The following MAP3K7CL variants were observed in gnomAD, a reference collection of about 807,000 sequenced individuals.
MAP3K7CL encodes MAP3K7 C-terminal like.
In MAP3K7CL, 16 loss-of-function variants were observed where a neutral mutation model predicts 18.6. That is an observed-to-expected ratio of 0.86 (90% CI 0.58 to 1.31). The LOEUF is 1.31. MAP3K7CL is among the 50% of genes most tolerant of loss of function. The probability of loss-of-function intolerance (pLI) is 0.00; values close to 1 mark genes in which losing one functional copy is unlikely to be tolerated. For synonymous variants in MAP3K7CL, 65 were observed against 66.8 expected (o/e 0.97, Z 0.13); for missense variants, 163 against 174.4 (o/e 0.93, Z 0.37).
chr21:29,100,120 C>T (rs2086200261), intron 4 of MAP3K7CL, among the ~76,000 whole-genome samples: 1 of 151,534 alleles, frequency 6.6e-6, no homozygotes, highest in African/African-American at 2.4e-5. Context: ...TGGATCTCCT[C>T]CTCCCACCTT....
chr21:29,166,653 A>G (rs1276289901), intron 4 of MAP3K7CL, among the ~76,000 whole-genome samples: 2 of 152,218 alleles, frequency 1.3e-5, no homozygotes, highest in Non-Finnish European at 2.9e-5. Flanking sequence ...ATGGAATCAT[A>G]TAATATGTAA....
At chr21:29,120,727 TTTCC>T (rs1350576233) in intron 4 of MAP3K7CL, among the ~76,000 whole-genome samples, 70 of 151,942 alleles carry the variant, frequency 4.6e-4, no homozygotes, top group African/African-American at 1.4e-3. Flanking sequence ...CTCTCTTTCT[TTTCC>T]TTCCTTCCTT....
intron 1 of MAP3K7CL, among the ~76,000 whole-genome samples, chr21:29,078,836 A>C (rs1486125742): frequency 6.6e-6 from 1 of 152,156 alleles, no homozygotes. Flanking sequence ...CCACAGCTCC[A>C]CTTAGTTTCT....
At chr21:29,173,382 G>A (rs541681628) in intron 4 of MAP3K7CL, among the ~76,000 whole-genome samples, 8 of 152,140 alleles carry the variant, frequency 5.3e-5, no homozygotes, top group Non-Finnish European at 5.9e-5. Flanking sequence ...TGTTAGATGC[G>A]TTGGTTTATA....
At chr21:29,104,768 A>T (rs941831914) in intron 4 of MAP3K7CL, among the ~76,000 whole-genome samples, 2 of 152,204 alleles carry the variant, frequency 1.3e-5, no homozygotes, top group Admixed American at 1.3e-4. Flanking sequence ...TATGAACCAC[A>T]GCGTGTCCTT....
chr21:29,084,934 G>T (rs780773560), upstream of MAP3K7CL: 3 of 152,132 alleles, frequency 2.0e-5, no homozygotes, highest in Non-Finnish European at 4.4e-5. Context: ...AAGTAGAAGA[G>T]AATATGTTTG....
At chr21:29,149,091 T>A in intron 2 of MAP3K7CL, 98 bp from the exon 3 acceptor site, 2 of 990,302 alleles carry the variant, frequency 2.0e-6, no homozygotes, top group South Asian at 1.3e-5. Context: ...ATGAAATGAC[T>A]GAAACAGTGT....
chr21:29,153,200 G>A (rs1158503699), intron 3 of MAP3K7CL, among the ~76,000 whole-genome samples: 4 of 152,202 alleles, frequency 2.6e-5, no homozygotes, highest in East Asian at 3.9e-4. Flanking sequence ...GCAAGAGACC[G>A]CAGGAGAAGG....
chr21:29,079,477 C>T (rs945168042), intron 1 of MAP3K7CL, among the ~76,000 whole-genome samples: 6 of 152,262 alleles, frequency 3.9e-5, no homozygotes, highest in South Asian at 2.1e-4. Context: ...CCACTCCCCC[C>T]AGAAAGGTCT....
intron 2 of MAP3K7CL, among the ~76,000 whole-genome samples, chr21:29,140,988 G>T (rs946967112): frequency 5.3e-5 from 8 of 152,032 alleles, no homozygotes; most frequent in African/African-American, 1.9e-4. Flanking sequence ...TGTTGCTCAG[G>T]CTGGGCTTGG....
At position 29,174,717 on chromosome 21, in the gene MAP3K7CL, A is replaced by T. The variant is rs2087924251; in HGVS notation, c.254A>T (p.Glu85Val). ...CCTTTACCCCGAATCTTCAGGAAGGAGCTCATTGCCAAGTTAGATCAGGCA... is the reference window on the plus strand; with the variant it reads ...CCTTTACCCCGAATCTTCAGGAAGGTGCTCATTGCCAAGTTAGATCAGGCA... ...EITLLEQRKK[E>V]LIAKLDQAEK... The change falls in exon 5 of 5, where the codon GAG (glutamate) becomes GTG (valine). Residue 85 changes from glutamate to valine, a missense_variant. Glu to Val is a moderately radical substitution (Grantham distance 121, BLOSUM62 -2). Coordinates refer to ENST00000399928, the MANE Select transcript of MAP3K7CL (RefSeq NM_001286620.2). The T allele has an allele frequency of 6.2e-7, 1 of 1,614,104 alleles. No homozygotes were observed. Among genetic ancestry groups the T allele is most frequent in the South Asian group, 1.1e-5 (1 of 91,084 alleles).
At chr21:29,089,288 C>T (rs997841894) in intron 1 of MAP3K7CL, among the ~76,000 whole-genome samples, 1 of 151,680 alleles carries the variant, frequency 6.6e-6, no homozygotes, top group Non-Finnish European at 1.5e-5. Context: ...ACTGCTCACA[C>T]CACCTGCAGA....
intron 4 of MAP3K7CL, among the ~76,000 whole-genome samples, chr21:29,161,092 C>T (rs554931829): frequency 2.6e-4 from 39 of 152,328 alleles, no homozygotes; most frequent in African/African-American, 9.4e-4. Context: ...TGGTAGATCA[C>T]CTGAGGTCAG....
intron 4 of MAP3K7CL, among the ~76,000 whole-genome samples, chr21:29,165,075 A>T (rs551235968): frequency 6.6e-6 from 1 of 152,296 alleles, no homozygotes; most frequent in South Asian, 2.1e-4. Flanking sequence ...AAAATAAAAT[A>T]AAAAAATGAA....
intron 4 of MAP3K7CL, among the ~76,000 whole-genome samples, chr21:29,172,795 T>TGG (rs993433199): frequency 6.6e-6 from 1 of 152,136 alleles, no homozygotes; most frequent in African/African-American, 2.4e-5. Context: ...TTTCTAGCTC[T>TGG]GGATTATTGA....
At chr21:29,163,740 G>T in intron 4 of MAP3K7CL, among the ~76,000 whole-genome samples, 1 of 144,880 alleles carries the variant, frequency 6.9e-6, no homozygotes, top group African/African-American at 2.6e-5. Flanking sequence ...CTGTCACCCA[G>T]GCTGGAGTGC....
rs370951293 is a variant in MAP3K7CL at position 29,164,249 on chromosome 21, AC to A, written c.248+4194del. ...TACTGAAGTGGAAATTCATTTTGCA[AC>A]ATGTCTTTTCCCAAACAGTCTTTAT... is the stretch of plus-strand genomic sequence containing the variant. On this transcript the variant is annotated intron_variant, in intron 4 of 4. Transcript: ENST00000399928. Among the ~76,000 whole-genome samples, 69 of 152,350 alleles carry A rather than the reference AC, an allele frequency of 4.5e-4. 1 individual carries two copies. In the East Asian group the frequency reaches 9.6e-3, roughly 21 times the overall value.
upstream of MAP3K7CL, among the ~76,000 whole-genome samples, chr21:29,077,189 G>A (rs1284170067): frequency 6.6e-6 from 1 of 152,242 alleles, no homozygotes; most frequent in Admixed American, 6.5e-5. Flanking sequence ...CCGCCGCCGT[G>A]AGCCCACACT....
At chr21:29,152,262 A>G (rs1340011826) in intron 3 of MAP3K7CL, among the ~76,000 whole-genome samples, 3 of 152,262 alleles carry the variant, frequency 2.0e-5, no homozygotes, top group Admixed American at 2.0e-4. Context: ...ATAGAAGATG[A>G]CATCTAAAAG....
Sources: allele counts gnomAD v4.1 joint callset (sites outside exome capture counted in the v4.1 genomes callset), GRCh38; gene constraint gnomAD v4.1.1; transcripts MANE v1.5; gene names NCBI Gene and HGNC (gene_info 2026-07-23, HGNC 2026-07-21).